The following NEURL4 variants were observed in gnomAD, a reference collection of about 807,000 sequenced individuals.
The protein encoded by NEURL4 is neuralized E3 ubiquitin protein ligase 4.
Under a neutral mutation model 148.0 loss-of-function variants are expected in NEURL4, and 45 were observed. The ratio of observed to expected loss-of-function variants is 0.30; its 90% CI spans 0.24 to 0.39. The LOEUF (loss-of-function observed/expected upper bound fraction) is 0.39. Among genes scored for constraint, NEURL4 ranks in the 10% least tolerant of loss-of-function variants. NEURL4 has a pLI of 1.00. For missense variants in NEURL4, 1,776 were observed against 2,144.0 expected (o/e 0.83, Z 3.39); for synonymous variants, 854 against 869.0 (o/e 0.98, Z 0.30).
intron 6 of NEURL4, 36 bp from the exon 7 acceptor site, chr17:7,325,749 G>T (rs766764455): frequency 2.6e-6 from 4 of 1,556,846 alleles, no homozygotes; most frequent in Non-Finnish European, 3.5e-6. Flanking sequence ...GAGGAGTCCT[G>T]AGGCCTGCTC....
Position 7,322,795 on chromosome 17 carries a change from C to T in NEURL4, c.2665G>A (p.Asp889Asn), listed in dbSNP as rs761150726. ...VSITNATGPMDNSLATSNTAT... is the reference protein window; with the variant it reads ...VSITNATGPMNNSLATSNTAT... ...GTGTTGCTGGTCGCCAGGCTGTTGT[C>T]CATGGGGCCGGTGGCATTGGTGATG... The change falls in exon 16 of 29, where the codon GAC becomes AAC. Residue 889 changes from aspartate to asparagine, a missense_variant. Coordinates refer to ENST00000399464, the MANE Select transcript of NEURL4 (RefSeq NM_032442.3). This position sits in a 1 kb window ranked among gnomAD's most constrained non-coding sequence, Gnocchi z 5.5. 1.2e-6 allele frequency: 2 copies of T among 1,614,046 alleles called. No homozygotes were observed. The highest frequency in any genetic ancestry group is 1.6e-4 in the Middle Eastern group (1 of 6,062).
At chr17:7,319,257 A>C (rs1490428091) in intron 21 of NEURL4, 49 bp from the exon 22 acceptor site, 1 of 1,539,912 alleles carries the variant, frequency 6.5e-7, no homozygotes, top group South Asian at 1.2e-5. Flanking sequence ...GGGAAGAACC[A>C]GGCTCCGCAC....
Position 7,327,155 on chromosome 17 carries a change from A to G in NEURL4, c.793+10T>C. ...CACTCCCCTTCCCAGGGCCTCCCCA[A>G]AGCCCTCACCATTATGCGACTCAAG... On this transcript the variant is annotated intron_variant, in intron 3 of 28. Transcript: ENST00000399464. This position sits in a 1 kb window ranked among gnomAD's most constrained non-coding sequence, Gnocchi z 6.6. 6.2e-7 allele frequency: 1 copy of G among 1,611,816 alleles called. No homozygotes were observed. Among genetic ancestry groups the G allele is most frequent in the Non-Finnish European group, 8.5e-7 (1 of 1,179,756 alleles).
Position 7,327,279 on chromosome 17 carries a change from C to T in NEURL4, c.728-49G>A. On this transcript the variant is annotated intron_variant, in intron 2 of 28. Coordinates refer to ENST00000399464, the MANE Select transcript of NEURL4 (RefSeq NM_032442.3). This position sits in a 1 kb window ranked among gnomAD's most constrained non-coding sequence, Gnocchi z 6.6. ...GGGAATAAGGGTTCAGTCCCTGCTTCACGGCCCATAGCCAGGAGAACCCCC... is the reference window on the plus strand; with the variant it reads ...GGGAATAAGGGTTCAGTCCCTGCTTTACGGCCCATAGCCAGGAGAACCCCC... 4.6e-6 allele frequency: 7 copies of T among 1,534,836 alleles called. No individual in the cohort carries two copies. Among genetic ancestry groups the T allele is most frequent in the South Asian group, 2.5e-5 (2 of 81,022 alleles).
rs888483122 is a variant in NEURL4, at chr17:7,321,058, C to T, written c.3360+54G>A. On this transcript the variant is annotated intron_variant, in intron 20 of 28. Transcript: ENST00000399464. The surrounding 1 kb of genome is among the most constrained non-coding windows in gnomAD (Gnocchi z 6.3). ...AACCCAGAAAAGGCCTGGCATCCAA[C>T]GGCCCAGCAACTGCCCATCCATGTG... 2.0e-5 allele frequency: 32 copies of T among 1,597,912 alleles called. No homozygotes were observed. Among genetic ancestry groups the T allele is most frequent in the Middle Eastern group, 1.8e-4 (1 of 5,448 alleles).
chr17:7,322,928 G>C lies in NEURL4; in HGVS notation c.2593+20C>G, dbSNP rs769385589. ...AGGTGGTCTGGGCTGAGGGTGGCAGGCTGAAAGCCACATAGTCACCTTTAC... is the reference window on the plus strand; with the variant it reads ...AGGTGGTCTGGGCTGAGGGTGGCAGCCTGAAAGCCACATAGTCACCTTTAC... On this transcript the variant is annotated intron_variant, in intron 15 of 28. Coordinates refer to ENST00000399464, the MANE Select transcript of NEURL4 (RefSeq NM_032442.3). This position sits in a 1 kb window ranked among gnomAD's most constrained non-coding sequence, Gnocchi z 5.5. The C allele has an allele frequency of 6.8e-6, 11 of 1,611,244 alleles. No homozygotes were observed. The highest frequency in any genetic ancestry group is 9.3e-6 in the Non-Finnish European group (11 of 1,177,780).
chr17:7,323,709 C>T lies in NEURL4; in HGVS notation c.2276G>A (p.Gly759Glu). 1 of 1,614,092 alleles carries T rather than the reference C, an allele frequency of 6.2e-7. No homozygotes were observed. Among genetic ancestry groups the T allele is most frequent in the Non-Finnish European group, 8.5e-7 (1 of 1,179,980 alleles). Residue 759 changes from glycine (G) to glutamate (E), a missense_variant, in exon 13 of 29, where the codon GGA becomes GAA. Transcript: ENST00000399464. ...IVISNRALRD[G>E]ELFEIVIQKM... is the part of the protein sequence containing the mutation. ...CTGAATGACAATTTCAAACAGCTCT[C>T]CATCCCGCAGGGCCCTGCCAGGAGA...
At position 7,323,010 on chromosome 17, in the gene NEURL4, A is replaced by T; in HGVS notation, c.2531T>A (p.Leu844Gln). 6.2e-7 allele frequency: 1 copy of T among 1,613,784 alleles called. No homozygotes were observed. The highest frequency in any genetic ancestry group is 8.5e-7 in the Non-Finnish European group (1 of 1,180,000). Residue 844 changes from leucine to glutamine, a missense_variant, in exon 15 of 29, where the codon CTG (leucine) becomes CAG (glutamine). Physicochemically the swap from Leu to Gln is moderately radical, Grantham distance 113 (BLOSUM62 -2). Coordinates refer to ENST00000399464, the MANE Select transcript of NEURL4 (RefSeq NM_032442.3). ...IGMMRTAKGD[L>Q]HYFINGQDQG... ...GTCCTGGCCGTTGATGAAGTAGTGC[A>T]GGTCGCCCTTGGCAGTTCGCATCAT... is the stretch of plus-strand genomic sequence containing the variant.
chr17:7,324,739 G>T lies in NEURL4; in HGVS notation c.1813+60C>A. ...AAGGAGCTGCAGAACAAGTGCCAGGGCTTTGGGGATAGCTTCCCCCCAAAA... is the reference window on the plus strand; with the variant it reads ...AAGGAGCTGCAGAACAAGTGCCAGGTCTTTGGGGATAGCTTCCCCCCAAAA... On this transcript the variant is annotated intron_variant, in intron 9 of 28. Transcript: ENST00000399464. This position sits in a 1 kb window ranked among gnomAD's most constrained non-coding sequence, Gnocchi z 5.9. 1 of 1,564,038 alleles carries T rather than the reference G, an allele frequency of 6.4e-7. No individual in the cohort carries two copies. The highest frequency in any genetic ancestry group is 8.8e-7 in the Non-Finnish European group (1 of 1,137,858).
Position 7,327,715 on chromosome 17 carries a change from T to C in NEURL4, c.452A>G (p.Asp151Gly), listed in dbSNP as rs2073121458. The change falls in exon 2 of 29, where the codon GAC becomes GGC. Residue 151 changes from aspartate (D) to glycine (G), a missense_variant. Asp to Gly is a moderately conservative substitution (Grantham distance 94, BLOSUM62 -1). Coordinates refer to ENST00000399464, the MANE Select transcript of NEURL4 (RefSeq NM_032442.3). The surrounding 1 kb of genome is among the most constrained non-coding windows in gnomAD (Gnocchi z 6.6). ...SVLEEYGQDL[D>G]QLGEGDRVGV... ...CACGCGGTCCCCTTCACCAAGCTGGTCCAGGTCCTGACCATACTCCTCCAA... is the reference window on the plus strand; with the variant it reads ...CACGCGGTCCCCTTCACCAAGCTGGCCCAGGTCCTGACCATACTCCTCCAA... 6.2e-7 allele frequency: 1 copy of C among 1,613,958 alleles called. No individual in the cohort carries two copies. Among genetic ancestry groups the C allele is most frequent in the African/African-American group, 1.3e-5 (1 of 74,944 alleles).
rs530140874 is a variant in NEURL4, at chr17:7,315,877, G to A, written c.*246C>T. ...CATGTTCCCCAAATCAGTGCATGAAGAGGGGTACCAGGGCCTGGAGCTGGG... is the reference window on the plus strand; with the variant it reads ...CATGTTCCCCAAATCAGTGCATGAAAAGGGGTACCAGGGCCTGGAGCTGGG... On this transcript the variant is annotated 3_prime_UTR_variant, in exon 29 of 29. Coordinates refer to ENST00000399464, the MANE Select transcript of NEURL4 (RefSeq NM_032442.3). The A allele has an allele frequency of 2.2e-5, 13 of 588,976 alleles. No individual in the cohort carries two copies. The highest frequency in any genetic ancestry group is 3.9e-5 in the Non-Finnish European group (13 of 330,632). The allele number at this position is 588,976 out of a possible 1,614,324, so 36.5% of individuals were successfully genotyped here.
At chr17:7,325,149 C>G (rs1038809850) in intron 8 of NEURL4, 60 bp downstream of exon 8, 23 of 518,400 alleles carry the variant, frequency 4.4e-5, no homozygotes, top group Non-Finnish European at 6.4e-5. Context: ...TTCCTTGCCC[C>G]GCCCCCCCCC....
intron 21 of NEURL4, 23 bp from the exon 22 acceptor site, chr17:7,319,231 A>G (rs1277405706): frequency 3.1e-6 from 5 of 1,594,460 alleles, no homozygotes; most frequent in Non-Finnish European, 4.3e-6. Flanking sequence ...GAACTACTCC[A>G]TAATCACAGC....
At position 7,321,155 on chromosome 17, in the gene NEURL4, C is replaced by A. The variant is rs200286712; in HGVS notation, c.3317G>T (p.Ser1106Ile). Residue 1106 changes from serine to isoleucine, a missense_variant, in exon 20 of 29, where the codon AGT (serine) becomes ATT (isoleucine). Physicochemically the swap from Ser to Ile is moderately radical, Grantham distance 142. Transcript: ENST00000399464. The surrounding 1 kb of genome is among the most constrained non-coding windows in gnomAD (Gnocchi z 6.3). The part of the protein sequence containing the change: ...QPPSPSSDTG[S>I]EGEEDDEGEE... Reference sequence around the variant, plus strand: ...GCCCTCGTCATCCTCCTCGCCCTCACTGCCGGTGTCTGAACTGGGGGAAGG... The same window carrying A: ...GCCCTCGTCATCCTCCTCGCCCTCAATGCCGGTGTCTGAACTGGGGGAAGG... 6.2e-7 allele frequency: 1 copy of A among 1,614,010 alleles called. No individual in the cohort carries two copies. The highest frequency in any genetic ancestry group is 8.5e-7 in the Non-Finnish European group (1 of 1,180,028).
intron 1 of NEURL4, among the ~76,000 whole-genome samples, chr17:7,328,455 G>A (rs2073131443): frequency 6.6e-6 from 1 of 152,186 alleles, no homozygotes; most frequent in Non-Finnish European, 1.5e-5. Flanking sequence ...CCAGGCTGGA[G>A]TGCAATGGCA....
chr17:7,318,369 G>C lies in NEURL4; in HGVS notation c.3865-13C>G, dbSNP rs116677917. 9 of 1,613,750 alleles carry C rather than the reference G, an allele frequency of 5.6e-6. No homozygotes were observed. Among genetic ancestry groups the C allele is most frequent in the African/African-American group, 4.0e-5 (3 of 74,994 alleles). On this transcript the variant is annotated splice_polypyrimidine_tract_variant and intron_variant, in intron 23 of 28. Transcript: ENST00000399464. The surrounding 1 kb of genome is among the most constrained non-coding windows in gnomAD (Gnocchi z 4.3). Reference sequence around the variant, plus strand: ...TCACGATTGTCACCTGCAGGGGAGAGGGTAGTCAGACAGAGCTTGGTCAGA... The same window carrying C: ...TCACGATTGTCACCTGCAGGGGAGACGGTAGTCAGACAGAGCTTGGTCAGA...
At position 7,324,784 on chromosome 17, in the gene NEURL4, T is replaced by A; in HGVS notation, c.1813+15A>T. On this transcript the variant is annotated intron_variant, in intron 9 of 28. Coordinates refer to ENST00000399464, the MANE Select transcript of NEURL4 (RefSeq NM_032442.3). This position sits in a 1 kb window ranked among gnomAD's most constrained non-coding sequence, Gnocchi z 5.9. ...CCAAAACCCTATCCTGTCCCTGCCC[T>A]TCCTGGGAGCTCACCAGAGCGCAAG... 6.2e-7 allele frequency: 1 copy of A among 1,613,906 alleles called. No individual in the cohort carries two copies. Among genetic ancestry groups the A allele is most frequent in the Non-Finnish European group, 8.5e-7 (1 of 1,179,796 alleles).
chr17:7,316,241 G>C lies in NEURL4; in HGVS notation c.4571C>G (p.Pro1524Arg), dbSNP rs2072942774. The C allele has an allele frequency of 6.2e-7, 1 of 1,613,896 alleles. No individual in the cohort carries two copies. The change falls in exon 29 of 29, where the codon CCC becomes CGC. Residue 1524 changes from proline to arginine, a missense_variant. Coordinates refer to ENST00000399464, the MANE Select transcript of NEURL4 (RefSeq NM_032442.3). ...AGGTTCTCCAAGGGCAGCGGAAGGG[G>C]GTCCCGGGGTGTAGGAGCCAGGGCG... ...CVRPGSYTPG[P>R]PSAALGEPPD...
In NEURL4 at chr17:7,322,404, T is replaced by G. The variant is rs1225189923; in HGVS notation, c.2725+331A>C. Among the ~76,000 whole-genome samples, 1 of 152,180 alleles carries G rather than the reference T, an allele frequency of 6.6e-6. No individual in the cohort carries two copies. Among genetic ancestry groups the G allele is most frequent in the Non-Finnish European group, 1.5e-5 (1 of 68,024 alleles). On this transcript the variant is annotated intron_variant, in intron 16 of 28. Coordinates refer to ENST00000399464, the MANE Select transcript of NEURL4 (RefSeq NM_032442.3). The surrounding 1 kb of genome is among the most constrained non-coding windows in gnomAD (Gnocchi z 5.5). ...AACTCTTGTGCTCGAGAGATCCACC[T>G]GCCTTGAACTCCCAAAGTGCTGGGA... is the stretch of plus-strand genomic sequence containing the variant.
Sources: allele counts gnomAD v4.1 joint callset (sites outside exome capture counted in the v4.1 genomes callset), GRCh38; gene constraint gnomAD v4.1.1; non-coding constraint Gnocchi (gnomAD v3.1); transcripts MANE v1.5; gene names NCBI Gene and HGNC (gene_info 2026-07-23, HGNC 2026-07-21).